HPSE2: variants seen among roughly 807,000 people sequenced by gnomAD.
HPSE2 encodes inactive heparanase-2.
In HPSE2, 38 loss-of-function variants were observed where a neutral mutation model predicts 60.5. The observed-to-expected ratio is 0.63, with a 90% CI of 0.48 to 0.82. HPSE2 has a LOEUF of 0.82. Among genes scored for constraint, HPSE2 ranks in the 40% least tolerant of loss-of-function variants. HPSE2 has a pLI of 0.00. For synonymous variants in HPSE2, 295 were observed against 293.2 expected, an observed-to-expected ratio of 1.01 and a Z score of -0.06; for missense variants, 713 against 740.4, an observed-to-expected ratio of 0.96 and a Z score of 0.43.
intron 3 of HPSE2, among the ~76,000 whole-genome samples, chr10:98,912,106 A>T (rs1655158352): frequency 6.6e-6 from 1 of 152,172 alleles, no homozygotes; most frequent in South Asian, 2.1e-4. Flanking sequence ...CAGATTCAAG[A>T]GGTATTTATG....
intron 3 of HPSE2, among the ~76,000 whole-genome samples, chr10:99,015,852 AG>A (rs1276761471): frequency 9.9e-5 from 15 of 152,274 alleles, no homozygotes; most frequent in African/African-American, 3.6e-4. Context: ...CTAAAAAAAA[AG>A]TTTCTGTTCA....
intron 9 of HPSE2, among the ~76,000 whole-genome samples, chr10:98,500,325 C>G (rs1488390883): frequency 6.6e-6 from 1 of 152,166 alleles, no homozygotes; most frequent in Non-Finnish European, 1.5e-5. Flanking sequence ...ATCAAGCACT[C>G]TCTCAGACCA....
chr10:98,515,735 GA>G (rs1377399169), intron 9 of HPSE2, among the ~76,000 whole-genome samples: 2 of 152,116 alleles, frequency 1.3e-5, no homozygotes, highest in African/African-American at 4.8e-5. Context: ...CATTTTTTAA[GA>G]TATATACACA....
chr10:98,530,784 C>T (rs368474262), intron 9 of HPSE2, among the ~76,000 whole-genome samples: 22 of 152,224 alleles, frequency 1.4e-4, no homozygotes, highest in East Asian at 1.2e-3. Context: ...GATGCAGCCC[C>T]GCATTTTCAT....
chr10:99,290,904 A>C, the HPSE2 span, among the ~76,000 whole-genome samples: 1 of 152,208 alleles, frequency 6.6e-6, no homozygotes, highest in African/African-American at 2.4e-5. Context: ...GGATATTTGG[A>C]GGTGTCATCA....
At chr10:98,727,500 A>G (rs2134273105) in intron 4 of HPSE2, among the ~76,000 whole-genome samples, 1 of 152,166 alleles carries the variant, frequency 6.6e-6, no homozygotes, top group Non-Finnish European at 1.5e-5. Flanking sequence ...AAAATATGAA[A>G]ATTAGCTGGG....
At chr10:98,804,347 C>T (rs1428526039) in intron 3 of HPSE2, among the ~76,000 whole-genome samples, 1 of 151,868 alleles carries the variant, frequency 6.6e-6, no homozygotes, top group African/African-American at 2.4e-5. Context: ...AGAGATAACC[C>T]ACAGAATAAG....
At chr10:99,298,489 A>G in the HPSE2 span, among the ~76,000 whole-genome samples, 1 of 152,246 alleles carries the variant, frequency 6.6e-6, no homozygotes, top group East Asian at 1.9e-4. Context: ...GTTAGTTCAC[A>G]TTATCAGCCA....
chr10:99,218,741 A>G (rs1849217359), intron 2 of HPSE2, among the ~76,000 whole-genome samples: 1 of 152,220 alleles, frequency 6.6e-6, no homozygotes, highest in Non-Finnish European at 1.5e-5. Flanking sequence ...ATGAAACAAT[A>G]GCACTTATTT....
intron 3 of HPSE2, among the ~76,000 whole-genome samples, chr10:99,012,433 T>G (rs1304268450): frequency 2.7e-5 from 4 of 149,652 alleles, no homozygotes; most frequent in Admixed American, 6.7e-5. Context: ...TCCTTTTCCT[T>G]TTTTTTTTTA....
intron 9 of HPSE2, among the ~76,000 whole-genome samples, chr10:98,522,219 A>G (rs1267898450): frequency 1.3e-5 from 2 of 152,010 alleles, no homozygotes; most frequent in African/African-American, 4.8e-5. Context: ...GCTGATATGT[A>G]TTAGGGTTTG....
chr10:99,045,623 G>T (rs552887685), intron 3 of HPSE2, among the ~76,000 whole-genome samples: 1 of 152,084 alleles, frequency 6.6e-6, no homozygotes, highest in South Asian at 2.1e-4. Flanking sequence ...GAAGATCCAA[G>T]TAAGTACAAT....
chr10:99,058,900 G>T (rs190864894), intron 3 of HPSE2, among the ~76,000 whole-genome samples: 7 of 152,092 alleles, frequency 4.6e-5, no homozygotes, highest in Non-Finnish European at 1.0e-4. Flanking sequence ...TTTTGGAGGG[G>T]AGATAGTAAT....
At chr10:98,593,555 A>G (rs577549164) in intron 9 of HPSE2, among the ~76,000 whole-genome samples, 1 of 152,292 alleles carries the variant, frequency 6.6e-6, no homozygotes, top group South Asian at 2.1e-4. Context: ...GATTCAGAAG[A>G]CTGCTGTGAT....
intron 3 of HPSE2, among the ~76,000 whole-genome samples, chr10:99,052,671 A>G (rs941274129): frequency 2.0e-4 from 31 of 152,266 alleles, no homozygotes; most frequent in African/African-American, 7.5e-4. Flanking sequence ...CAGCCAGAGC[A>G]AAATGACACA....
intron 4 of HPSE2, among the ~76,000 whole-genome samples, chr10:98,724,233 A>G (rs1221050801): frequency 6.6e-6 from 1 of 152,088 alleles, no homozygotes; most frequent in Non-Finnish European, 1.5e-5. Flanking sequence ...CCCAGTAGTC[A>G]TTCAGGAGCA....
chr10:98,504,448 A>G (rs1201645027), intron 9 of HPSE2, among the ~76,000 whole-genome samples: 1 of 152,148 alleles, frequency 6.6e-6, no homozygotes, highest in Admixed American at 6.5e-5. Flanking sequence ...TGTAACTTAC[A>G]TGATAGTTCT....
At chr10:99,144,159 TAGAC>T in intron 3 of HPSE2, 75 bp downstream of exon 3, 3 of 1,288,892 alleles carry the variant, frequency 2.3e-6, no homozygotes, top group Non-Finnish European at 3.4e-6. Flanking sequence ...ATAGTGGGTG[TAGAC>T]AGACAGATGT....
At chr10:98,818,330 C>T (rs926768773) in intron 3 of HPSE2, among the ~76,000 whole-genome samples, 4 of 152,148 alleles carry the variant, frequency 2.6e-5, no homozygotes, top group Admixed American at 6.6e-5. Context: ...ATTGTTCCAC[C>T]TCCAATCGGT....
Sources: gnomAD v4.1 joint callset for allele counts (sites outside exome capture counted in the v4.1 genomes callset) on GRCh38, gnomAD v4.1.1 for gene constraint, MANE v1.5 for transcripts, NCBI Gene and HGNC (gene_info 2026-07-23, HGNC 2026-07-21) for gene names.